NCKAP5: variants seen among roughly 807,000 people sequenced by gnomAD.
The protein encoded by NCKAP5 is nck-associated protein 5.
A neutral mutation model predicts 167.0 loss-of-function variants in NCKAP5; 92 were observed. That is an observed-to-expected ratio of 0.55 (90% confidence interval 0.47 to 0.66). The LOEUF (loss-of-function observed/expected upper bound fraction) is 0.66. Ranked by LOEUF, NCKAP5 falls within the 30% of genes least tolerant of loss-of-function variation. The pLI is 0.00. For missense variants in NCKAP5, 2,378 were observed against 2,315.0 expected (o/e 1.03, Z -0.56); for synonymous variants, 891 against 877.4 (o/e 1.02, Z -0.27).
the NCKAP5 span, among the ~76,000 whole-genome samples, chr2:133,613,039 A>T: frequency 6.6e-6 from 1 of 152,184 alleles, no homozygotes; most frequent in East Asian, 1.9e-4. Flanking sequence ...AGCATTCCCA[A>T]AGAGCTGAAG....
intron 3 of NCKAP5, among the ~76,000 whole-genome samples, chr2:133,328,726 T>C (rs1171915059): frequency 6.6e-6 from 1 of 152,094 alleles, no homozygotes; most frequent in Non-Finnish European, 1.5e-5. Context: ...ATGAAAAATA[T>C]ATATAATGAA....
In NCKAP5 at chr2:132,871,687, C is replaced by T. The variant is rs560310740; in HGVS notation, c.649-2713G>A. ...CTAACACAGTTCCTTCTGGCATGTACTTTGGAAAATTATTTGCTCCTCTTG... is the reference window on the plus strand; with the variant it reads ...CTAACACAGTTCCTTCTGGCATGTATTTTGGAAAATTATTTGCTCCTCTTG... On this transcript the variant is annotated intron_variant, in intron 9 of 19. Coordinates refer to ENST00000409261, the MANE Select transcript of NCKAP5 (RefSeq NM_207363.3). 4.6e-5 allele frequency among the ~76,000 whole-genome samples: 7 copies of T among 152,278 alleles called. No homozygotes were observed. The South Asian group carries it at 1.2e-3, about 27-fold the overall frequency.
At chr2:133,113,587 G>T (rs2081983848) in intron 6 of NCKAP5, among the ~76,000 whole-genome samples, 1 of 152,200 alleles carries the variant, frequency 6.6e-6, no homozygotes, top group African/African-American at 2.4e-5. Context: ...GCATCATGGG[G>T]TTATGCCCAT....
upstream of NCKAP5, among the ~76,000 whole-genome samples, chr2:133,572,301 A>T (rs776625188): frequency 2.0e-5 from 3 of 152,250 alleles, no homozygotes; most frequent in Non-Finnish European, 4.4e-5. Context: ...ATATGCAAAT[A>T]TATGCCAGTG....
the NCKAP5 span, among the ~76,000 whole-genome samples, chr2:133,588,466 C>T: frequency 2.9e-5 from 4 of 137,220 alleles, no homozygotes; most frequent in Non-Finnish European, 6.4e-5. Flanking sequence ...TTCCTTCCTC[C>T]CTTCCTTCCT....
chr2:133,669,078 A>G, the NCKAP5 span, among the ~76,000 whole-genome samples: 84,930 of 151,942 alleles, frequency 0.56, 25,175 homozygotes, highest in East Asian at 0.79. Flanking sequence ...TAACATTATA[A>G]TCATTAAACA....
intron 6 of NCKAP5, among the ~76,000 whole-genome samples, chr2:133,113,203 T>A (rs1032619768): frequency 7.5e-6 from 1 of 132,784 alleles, no homozygotes; most frequent in African/African-American, 3.4e-5. Context: ...ACAATTGGAG[T>A]TTTTTTTTTT....
intron 19 of NCKAP5, among the ~76,000 whole-genome samples, chr2:132,674,038 A>C (rs1684101537): frequency 6.6e-6 from 1 of 152,340 alleles, no homozygotes; most frequent in Non-Finnish European, 1.5e-5. Context: ...GTAAACATGA[A>C]TATATTCGGT....
chr2:132,874,662 G>A (rs569062911), intron 9 of NCKAP5, among the ~76,000 whole-genome samples: 4 of 152,172 alleles, frequency 2.6e-5, no homozygotes, highest in South Asian at 2.1e-4. Flanking sequence ...CAACTCCACC[G>A]TCGTCACTGA....
chr2:133,168,280 A>ATTT (rs35632445), intron 5 of NCKAP5, among the ~76,000 whole-genome samples: 2 of 126,008 alleles, frequency 1.6e-5, no homozygotes, highest in Non-Finnish European at 3.3e-5. Flanking sequence ...AACTGATAAC[A>ATTT]TTTTTTTTTT....
chr2:132,962,516 T>A (rs1026271192), intron 8 of NCKAP5, among the ~76,000 whole-genome samples: 1 of 152,224 alleles, frequency 6.6e-6, no homozygotes, highest in South Asian at 2.1e-4. Flanking sequence ...ATGCTCATTA[T>A]AGACAATGTG....
chr2:132,861,033 G>C (rs1378809358), intron 10 of NCKAP5, among the ~76,000 whole-genome samples: 1 of 152,198 alleles, frequency 6.6e-6, no homozygotes, highest in South Asian at 2.1e-4. Flanking sequence ...ATTTCTGATG[G>C]AGTTTTTCAT....
At chr2:133,249,954 AAGAAGAC>A (rs1255457639) in intron 4 of NCKAP5, among the ~76,000 whole-genome samples, 1 of 151,524 alleles carries the variant, frequency 6.6e-6, no homozygotes, top group Admixed American at 6.6e-5. Flanking sequence ...CAGGTGAAGA[AAGAAGAC>A]AGAAAAGGCA....
the NCKAP5 span, among the ~76,000 whole-genome samples, chr2:133,647,980 G>A: frequency 1.3e-5 from 2 of 152,022 alleles, no homozygotes; most frequent in Non-Finnish European, 2.9e-5. Context: ...CCAACTAAAT[G>A]CTGTCTATAA....
At chr2:133,605,841 C>G in the NCKAP5 span, among the ~76,000 whole-genome samples, 1 of 152,132 alleles carries the variant, frequency 6.6e-6, no homozygotes, top group Non-Finnish European at 1.5e-5. Context: ...TAGCACATGT[C>G]TTACCAAGCT....
At chr2:132,687,755 A>ACACACACC (rs138845809) in intron 19 of NCKAP5, among the ~76,000 whole-genome samples, 1,500 of 142,172 alleles carry the variant, frequency 0.011, 33 homozygotes, top group African/African-American at 0.038. Flanking sequence ...ACACACACAC[A>ACACACACC]CCCTTCCTCT....
chr2:133,471,588 A>G (rs922620134), intron 3 of NCKAP5, among the ~76,000 whole-genome samples: 8 of 152,122 alleles, frequency 5.3e-5, no homozygotes, highest in Non-Finnish European at 8.8e-5. Flanking sequence ...GTTGGGGTAT[A>G]TATACTTAGA....
At position 132,900,663 on chromosome 2, in the gene NCKAP5, C is replaced by T. The variant is rs1210183688; in HGVS notation, c.580-21747G>A. Among the ~76,000 whole-genome samples, 4 of 152,118 alleles carry T rather than the reference C, an allele frequency of 2.6e-5. No homozygotes were observed. The South Asian group carries it at 6.2e-4, about 24-fold the overall frequency. Reference sequence around the variant, plus strand: ...AGTATGAAAACTGTTATGAAAACTACTGTTATTAACAGACTGTAGCCCAGA... The same window carrying T: ...AGTATGAAAACTGTTATGAAAACTATTGTTATTAACAGACTGTAGCCCAGA... On this transcript the variant is annotated intron_variant, in intron 8 of 19. Coordinates refer to ENST00000409261, the MANE Select transcript of NCKAP5 (RefSeq NM_207363.3).
intron 3 of NCKAP5, among the ~76,000 whole-genome samples, chr2:133,318,792 A>G (rs1214906830): frequency 1.3e-5 from 2 of 152,186 alleles, no homozygotes; most frequent in Non-Finnish European, 2.9e-5. Flanking sequence ...CCTTCACATG[A>G]TGGTGGCTGG....
Sources: allele counts gnomAD v4.1 joint callset (sites outside exome capture counted in the v4.1 genomes callset), GRCh38; gene constraint gnomAD v4.1.1; transcripts MANE v1.5; gene names NCBI Gene and HGNC (gene_info 2026-07-23, HGNC 2026-07-21).